The following B3GNT4 variants were observed in gnomAD, a reference collection of about 807,000 sequenced individuals.
B3GNT4 encodes the protein UDP-GlcNAc:betaGal beta-1,3-N-acetylglucosaminyltransferase 4, also known as N-acetyllactosaminide beta-1,3-N-acetylglucosaminyltransferase 4.
B3GNT4 carries 2 observed loss-of-function variants against 2.7 expected under a neutral mutation model. That is an observed-to-expected ratio of 0.73 (90% CI 0.30 to 2.31). B3GNT4 has a LOEUF of 2.31. Ranked by LOEUF, B3GNT4 falls within the 30% of genes most tolerant of loss-of-function variation. The pLI is 0.12. For synonymous variants in B3GNT4, 280 were observed against 203.4 expected, an observed-to-expected ratio of 1.38 and a Z score of -3.20; for missense variants, 708 against 490.9, an observed-to-expected ratio of 1.44 and a Z score of -4.18.
rs1002552024 is a variant in B3GNT4 at position 122,207,000 on chromosome 12, C to G, written c.749C>G (p.Ala250Gly). The G allele has an allele frequency of 1.2e-6, 2 of 1,613,908 alleles. No individual in the cohort carries two copies. The highest frequency in any genetic ancestry group is 1.7e-6 in the Non-Finnish European group (2 of 1,179,988). ...DLLVGDVIRQ[A>G]LPNRNTKVKY... ...CTGGTGGGAGATGTCATCCGCCAAG[C>G]CCTGCCCAACAGGAACACTAAGGTC... is the stretch of plus-strand genomic sequence containing the variant. Residue 250 changes from alanine to glycine, a missense_variant, in exon 3 of 3, where the codon GCC (alanine) becomes GGC (glycine). By Grantham distance (60) the Ala-to-Gly change is moderately conservative (BLOSUM62 0). Coordinates refer to ENST00000324189, the MANE Select transcript of B3GNT4 (RefSeq NM_030765.4).
In B3GNT4 at chr12:122,208,726, A is replaced by G. The variant is rs770034523; in HGVS notation, c.*1338A>G. On this transcript the variant is annotated 3_prime_UTR_variant, in exon 3 of 3. Coordinates refer to ENST00000324189, the MANE Select transcript of B3GNT4 (RefSeq NM_030765.4). ...CCCTGTCTTCTCTCTCTGCAAAGAA[A>G]CTTCCACCTCTATGTTCAGGTCTGG... 5.1e-6 allele frequency: 4 copies of G among 779,194 alleles called. No individual in the cohort carries two copies. Among genetic ancestry groups the G allele is most frequent in the Non-Finnish European group, 6.6e-6 (3 of 455,872 alleles). 48.3% of individuals were successfully genotyped at this position (779,194 alleles called of 1,614,324 possible).
chr12:122,206,648 C>G lies in B3GNT4; in HGVS notation c.397C>G (p.Arg133Gly), dbSNP rs147782078. ...AIKSQPGHVE[R>G]RAAIRSTWGR... is the part of the protein sequence containing the mutation. ...CAAGTCACAGCCTGGTCACGTGGAG[C>G]GACGTGCGGCTATCCGCAGCACGTG... Residue 133 changes from arginine (R) to glycine (G), a missense_variant, in exon 3 of 3, where the codon CGA becomes GGA. Transcript: ENST00000324189. 1 of 1,613,772 alleles carries G rather than the reference C, an allele frequency of 6.2e-7. No individual in the cohort carries two copies.
At chr12:122,203,826 T>A in intron 1 of B3GNT4, 25 bp downstream of exon 1, 1 of 162,702 alleles carries the variant, frequency 6.1e-6, no homozygotes, top group Non-Finnish European at 1.3e-5. Flanking sequence ...GGGACGCCGC[T>A]GCTGTGAGGG....
intron 2 of B3GNT4, 56 bp from the exon 3 acceptor site, chr12:122,206,262 C>A: frequency 1.4e-6 from 2 of 1,438,198 alleles, no homozygotes; most frequent in Non-Finnish European, 1.9e-6. Flanking sequence ...TCCTGCCCAA[C>A]TCTTGGGGAC....
Position 122,204,516 on chromosome 12 carries a change from C to A in B3GNT4, c.-97-6C>A. On this transcript the variant is annotated splice_region_variant and splice_polypyrimidine_tract_variant and intron_variant, in intron 1 of 2. Coordinates refer to ENST00000324189, the MANE Select transcript of B3GNT4 (RefSeq NM_030765.4). ...ACCGCCGCCCGCCCGGGCCTCTCGT[C>A]CACAGCCCGCGGTGCTCGCACACCT... 1 of 1,025,292 alleles carries A rather than the reference C, an allele frequency of 9.8e-7. No homozygotes were observed. The highest frequency in any genetic ancestry group is 1.5e-6 in the Non-Finnish European group (1 of 670,546). 63.5% of individuals were successfully genotyped at this position (1,025,292 alleles called of 1,614,324 possible). A position where few individuals can be genotyped will look rare whatever the true frequency, so the allele number is the denominator to read the frequency against.
chr12:122,207,278 A>AG lies in B3GNT4; in HGVS notation c.1032dup (p.Leu345AlafsTer22), dbSNP rs1360333633. 6.2e-7 allele frequency: 1 copy of AG among 1,614,028 alleles called. No individual in the cohort carries two copies. The highest frequency in any genetic ancestry group is 1.7e-5 in the Admixed American group (1 of 60,016). ...GGACCCCTTAGACCCCTGCCTGTAT[A>AG]GGGGGCTCCTGCTGGTTCACCGCCT... On this transcript the variant is annotated frameshift_variant, in exon 3 of 3. Transcript: ENST00000324189. LOFTEE classifies it low-confidence loss of function (END_TRUNC).
Position 122,208,624 on chromosome 12 carries a change from G to C in B3GNT4, c.*1236G>C. ...GGGTTGAGCAGCCGTGCAGGGCGCGGAAGGCTCATGTGGACGTTGGCCTGG... is the reference window on the plus strand; with the variant it reads ...GGGTTGAGCAGCCGTGCAGGGCGCGCAAGGCTCATGTGGACGTTGGCCTGG... On this transcript the variant is annotated 3_prime_UTR_variant, in exon 3 of 3. Transcript: ENST00000324189. 1 of 1,590,776 alleles carries C rather than the reference G, an allele frequency of 6.3e-7. No individual in the cohort carries two copies. The highest frequency in any genetic ancestry group is 8.5e-7 in the Non-Finnish European group (1 of 1,171,664).
rs1329842950 is a variant in B3GNT4, at chr12:122,206,622, T to C, written c.371T>C (p.Ile124Thr). 1 of 1,614,038 alleles carries C rather than the reference T, an allele frequency of 6.2e-7. No homozygotes were observed. The highest frequency in any genetic ancestry group is 8.5e-7 in the Non-Finnish European group (1 of 1,180,028). ...AAGGATACCTTCTTGCTCCTGGCCA[T>C]CAAGTCACAGCCTGGTCACGTGGAG... ...CSKDTFLLLAIKSQPGHVERR... is the reference protein window; with the variant it reads ...CSKDTFLLLATKSQPGHVERR... Residue 124 changes from isoleucine to threonine, a missense_variant, in exon 3 of 3, where the codon ATC becomes ACC. Physicochemically the swap from Ile to Thr is moderately conservative, Grantham distance 89. Transcript: ENST00000324189.
intron 2 of B3GNT4, chr12:122,205,011 C>T (rs879566209): frequency 8.0e-5 from 22 of 275,798 alleles, no homozygotes; most frequent in Middle Eastern, 1.0e-3. Context: ...GTCTGGGTGA[C>T]AGAGACACTG....
rs760130596 is a variant in B3GNT4 at position 122,206,671 on chromosome 12, G to C, written c.420G>C (p.Thr140=). 5 of 1,613,010 alleles carry C rather than the reference G, an allele frequency of 3.1e-6. No individual in the cohort carries two copies. Among genetic ancestry groups the C allele is most frequent in the Non-Finnish European group, 4.2e-6 (5 of 1,179,760 alleles). The part of the protein sequence containing the change: ...HVERRAAIRS[T]WGRVGGWARG... ...AGCGACGTGCGGCTATCCGCAGCACGTGGGGCAGGGTGGGGGGATGGGCTA... is the reference window on the plus strand; with the variant it reads ...AGCGACGTGCGGCTATCCGCAGCACCTGGGGCAGGGTGGGGGGATGGGCTA... Residue 140 remains threonine, a synonymous_variant, in exon 3 of 3, where the codon ACG becomes ACC. Coordinates refer to ENST00000324189, the MANE Select transcript of B3GNT4 (RefSeq NM_030765.4).
At chr12:122,204,867 C>A (rs574931817) in intron 2 of B3GNT4, 183 bp downstream of exon 2, 3 of 589,996 alleles carry the variant, frequency 5.1e-6, no homozygotes, top group Non-Finnish European at 9.0e-6. Context: ...AAAGATACCA[C>A]ATCTCTACAA....
In B3GNT4 at chr12:122,207,642, C is replaced by T; in HGVS notation, c.*254C>T. 2 of 639,858 alleles carry T rather than the reference C, an allele frequency of 3.1e-6. No homozygotes were observed. Among genetic ancestry groups the T allele is most frequent in the Non-Finnish European group, 5.7e-6 (2 of 352,206 alleles). 39.6% of individuals were successfully genotyped at this position (639,858 alleles called of 1,614,324 possible). On this transcript the variant is annotated 3_prime_UTR_variant, in exon 3 of 3. Coordinates refer to ENST00000324189, the MANE Select transcript of B3GNT4 (RefSeq NM_030765.4). The stretch of plus-strand genomic sequence containing the variant: ...CTGCCTGGGGCGCTGCAGTCTGGGA[C>T]CTCAAGGAAGGAGGCTGCATAGGAC...
intron 1 of B3GNT4, 62 bp from the exon 2 acceptor site, chr12:122,204,460 C>A (rs917667440): frequency 2.9e-6 from 2 of 697,528 alleles, no homozygotes; most frequent in Admixed American, 4.1e-5. Flanking sequence ...GGAACCAAGC[C>A]ACCTGCTGTG....
chr12:122,208,145 CAG>C lies in B3GNT4; in HGVS notation c.*760_*761del, dbSNP rs1330739394. The C allele has an allele frequency of 2.9e-6, 2 of 690,200 alleles. No individual in the cohort carries two copies. The highest frequency in any genetic ancestry group is 5.3e-6 in the Non-Finnish European group (2 of 380,080). The allele number at this position is 690,200 out of a possible 1,614,324, so 42.8% of individuals were successfully genotyped here. ...AAAAAAATGGGTAAGAGCAGCTGTA[CAG>C]AGTGGGGTGAAATGTTAAACAGGGT... On this transcript the variant is annotated 3_prime_UTR_variant, in exon 3 of 3. Coordinates refer to ENST00000324189, the MANE Select transcript of B3GNT4 (RefSeq NM_030765.4).
Position 122,207,938 on chromosome 12 carries a change from A to G in B3GNT4, c.*550A>G. ...GAAATACATACAAAGAAATCGTACA[A>G]ACTGGACAGGTTCCCCTCCCCCTGC... On this transcript the variant is annotated 3_prime_UTR_variant, in exon 3 of 3. Coordinates refer to ENST00000324189, the MANE Select transcript of B3GNT4 (RefSeq NM_030765.4). 1 of 462,348 alleles carries G rather than the reference A, an allele frequency of 2.2e-6. No individual in the cohort carries two copies. The highest frequency in any genetic ancestry group is 2.3e-5 in the Admixed American group (1 of 42,774). The allele number at this position is 462,348 out of a possible 1,614,324, so 28.6% of individuals were successfully genotyped here.
chr12:122,205,720 G>GGT (rs1324043682), intron 2 of B3GNT4: 1 of 152,492 alleles, frequency 6.6e-6, no homozygotes, highest in Admixed American at 6.5e-5. Context: ...CCCCTCTTGT[G>GGT]GTGTGTGGCT....
In B3GNT4 at chr12:122,206,303, G is replaced by C. The variant is rs1365837171; in HGVS notation, c.67-15G>C. 5 of 1,534,922 alleles carry C rather than the reference G, an allele frequency of 3.3e-6. No homozygotes were observed. Among genetic ancestry groups the C allele is most frequent in the African/African-American group, 2.7e-5 (2 of 73,208 alleles). On this transcript the variant is annotated splice_polypyrimidine_tract_variant and intron_variant, in intron 2 of 2. Transcript: ENST00000324189. ...CCCGGGGCTGGGCCCTGCTCAGGTG[G>C]CTCTCTCCTTGCAGGGACCGGCGAT...
rs1170103313 is a variant in B3GNT4 at position 122,206,809 on chromosome 12, C to A, written c.558C>A (p.Phe186Leu). ...REFDDILQWD[F>L]TEDFFNLTLK... Reference sequence around the variant, plus strand: ...TTGATGACATCCTCCAGTGGGACTTCACTGAGGACTTCTTCAACCTGACGC... The same window carrying A: ...TTGATGACATCCTCCAGTGGGACTTAACTGAGGACTTCTTCAACCTGACGC... Residue 186 changes from phenylalanine (F) to leucine (L), a missense_variant, in exon 3 of 3, where the codon TTC becomes TTA. By Grantham distance (22) the Phe-to-Leu change is conservative. Coordinates refer to ENST00000324189, the MANE Select transcript of B3GNT4 (RefSeq NM_030765.4). 1.2e-6 allele frequency: 2 copies of A among 1,611,730 alleles called. No homozygotes were observed. Among genetic ancestry groups the A allele is most frequent in the African/African-American group, 2.7e-5 (2 of 74,896 alleles).
rs1423512277 is a variant in B3GNT4 at position 122,206,752 on chromosome 12, A to C, written c.501A>C (p.Pro167=). 10 of 1,606,210 alleles carry C rather than the reference A, an allele frequency of 6.2e-6. No individual in the cohort carries two copies. Among genetic ancestry groups the C allele is most frequent in the Non-Finnish European group, 8.5e-6 (10 of 1,175,508 alleles). The change falls in exon 3 of 3, where the codon CCA becomes CCC. Residue 167 remains proline (P), a synonymous_variant. Transcript: ENST00000324189. ...TAGGGGTGGCAGGATCCGCTCCCCC[A>C]GCCCAGCTGCTGGCCTATGAGAGTA... is the stretch of plus-strand genomic sequence containing the variant. ...FLLGVAGSAP[P]AQLLAYESRE...
Sources: allele counts gnomAD v4.1 joint callset, GRCh38; gene constraint gnomAD v4.1.1; transcripts MANE v1.5; gene names NCBI Gene and HGNC (gene_info 2026-07-23, HGNC 2026-07-21).